DISP1: variants seen among roughly 807,000 people sequenced by gnomAD.
DISP1 encodes the protein dispatched RND transporter family member 1, also known as protein dispatched homolog 1.
A neutral mutation model predicts 37.3 loss-of-function variants in DISP1; 30 were observed. The observed-to-expected ratio is 0.80, with a 90% CI of 0.60 to 1.09. DISP1 has a LOEUF of 1.09. Ranked by LOEUF, DISP1 falls within the 50% of genes least tolerant of loss-of-function variation. DISP1 has a pLI of 0.00. For missense variants in DISP1, 1,598 were observed against 1,879.5 expected (o/e 0.85, Z 2.77); for synonymous variants, 634 against 690.2 (o/e 0.92, Z 1.28).
chr1:222,846,015 CCT>C (rs1318110396), intron 1 of DISP1, among the ~76,000 whole-genome samples: 11 of 152,102 alleles, frequency 7.2e-5, no homozygotes, highest in African/African-American at 2.4e-4. Context: ...CTTTGCCTAA[CCT>C]AAGGTCTTGA....
At chr1:222,936,971 A>ATATTAT (rs1673951519) in intron 2 of DISP1, among the ~76,000 whole-genome samples, 1 of 65,690 alleles carries the variant, frequency 1.5e-5, no homozygotes, top group Non-Finnish European at 3.3e-5. Flanking sequence ...ATTTATAAAT[A>ATATTAT]ATATTTTATA....
chr1:222,829,615 A>G (rs1490973226), intron 1 of DISP1, among the ~76,000 whole-genome samples: 1 of 151,760 alleles, frequency 6.6e-6, no homozygotes, highest in Non-Finnish European at 1.5e-5. Context: ...AATTTTTTGT[A>G]TTTTTAGTAG....
chr1:223,004,045 A>G lies in DISP1; in HGVS notation c.2648A>G (p.Gln883Arg). 1 of 1,614,168 alleles carries G rather than the reference A, an allele frequency of 6.2e-7. No individual in the cohort carries two copies. Among genetic ancestry groups the G allele is most frequent in the Non-Finnish European group, 8.5e-7 (1 of 1,180,018 alleles). ...CCSHWSFPYK[Q>R]EIFELCIKRA... ...AGCCACTGGAGCTTCCCCTACAAGCAAGAGATTTTTGAACTGTGCATCAAG... is the reference window on the plus strand; with the variant it reads ...AGCCACTGGAGCTTCCCCTACAAGCGAGAGATTTTTGAACTGTGCATCAAG... Residue 883 changes from glutamine (Q) to arginine (R), a missense_variant, in exon 9 of 9, where the codon CAA becomes CGA. Gln to Arg is a conservative substitution (Grantham distance 43). Coordinates refer to ENST00000675850, the MANE Select transcript of DISP1 (RefSeq NM_001377229.1). The surrounding 1 kb of genome is among the most constrained non-coding windows in gnomAD (Gnocchi z 4.9).
intron 2 of DISP1, among the ~76,000 whole-genome samples, chr1:222,933,060 A>T (rs1673503156): frequency 6.6e-6 from 1 of 151,980 alleles, no homozygotes; most frequent in African/African-American, 2.4e-5. Context: ...ACCTCTACAT[A>T]TGAAAATTTC....
intron 3 of DISP1, among the ~76,000 whole-genome samples, chr1:222,975,878 T>G (rs1400407031): frequency 6.6e-6 from 1 of 152,198 alleles, no homozygotes; most frequent in Non-Finnish European, 1.5e-5. Flanking sequence ...TCACTGTCAC[T>G]CACTTGCATA....
intron 1 of DISP1, among the ~76,000 whole-genome samples, chr1:222,852,351 T>C (rs1668312172): frequency 6.6e-6 from 1 of 152,042 alleles, no homozygotes; most frequent in Non-Finnish European, 1.5e-5. Flanking sequence ...TGTTTGTTTT[T>C]TGGTGGTTTT....
chr1:222,863,086 G>A (rs1356517337), intron 1 of DISP1, among the ~76,000 whole-genome samples: 1 of 152,190 alleles, frequency 6.6e-6, no homozygotes, highest in Non-Finnish European at 1.5e-5. Context: ...AACCACAGAA[G>A]AGATGCTGTG....
intron 1 of DISP1, among the ~76,000 whole-genome samples, chr1:222,865,457 A>C (rs1017696909): frequency 1.3e-5 from 2 of 152,178 alleles, no homozygotes; most frequent in African/African-American, 4.8e-5. Context: ...GGGTCTTTTT[A>C]AATGAATAGA....
chr1:222,870,610 A>G (rs1011556833), intron 1 of DISP1, among the ~76,000 whole-genome samples: 5 of 151,986 alleles, frequency 3.3e-5, no homozygotes, highest in African/African-American at 7.3e-5. Context: ...GTCTGTTCAT[A>G]TCCTTTGCCC....
chr1:222,937,294 G>A (rs915545065), intron 2 of DISP1, among the ~76,000 whole-genome samples: 2 of 151,562 alleles, frequency 1.3e-5, no homozygotes. Context: ...GTTTCACCGT[G>A]TTAGCCAGGA....
In DISP1 at chr1:222,937,164, A is replaced by T. The variant is rs938887798; in HGVS notation, c.-17-5643A>T. Among the ~76,000 whole-genome samples, 17 of 148,662 alleles carry T rather than the reference A, an allele frequency of 1.1e-4. No homozygotes were observed. In the Middle Eastern group the frequency reaches 0.01, roughly 89 times the overall value. ...GAGTGCAGTGGCGTGATCTCGGCTC[A>T]CTGCAAGGTCCGCCTCCTGGGTTCA... On this transcript the variant is annotated intron_variant, in intron 2 of 8. Coordinates refer to ENST00000675850, the MANE Select transcript of DISP1 (RefSeq NM_001377229.1).
Position 222,943,215 on chromosome 1 carries a change from A to G in DISP1, c.392A>G (p.His131Arg), listed in dbSNP as rs1674514836. The G allele has an allele frequency of 1.2e-6, 2 of 1,610,438 alleles. No homozygotes were observed. The highest frequency in any genetic ancestry group is 1.7e-6 in the Non-Finnish European group (2 of 1,176,974). The stretch of plus-strand genomic sequence containing the variant: ...TATTCTGCATCTCTTTGTCCAAATC[A>G]TTCACCTGTGTATCAGACTACGTGC... ...SEYSASLCPN[H>R]SPVYQTTCCL... The change falls in exon 3 of 9, where the codon CAT becomes CGT. Residue 131 changes from histidine to arginine, a missense_variant. By Grantham distance (29) the His-to-Arg change is conservative. Coordinates refer to ENST00000675850, the MANE Select transcript of DISP1 (RefSeq NM_001377229.1).
At chr1:222,865,013 T>C (rs1669105783) in intron 1 of DISP1, among the ~76,000 whole-genome samples, 1 of 152,070 alleles carries the variant, frequency 6.6e-6, no homozygotes, top group African/African-American at 2.4e-5. Flanking sequence ...ACTCTTGAGA[T>C]AGGTTTTTAT....
intron 1 of DISP1, among the ~76,000 whole-genome samples, chr1:222,816,813 T>G (rs1272387457): frequency 6.6e-6 from 1 of 152,234 alleles, no homozygotes; most frequent in Non-Finnish European, 1.5e-5. Context: ...AACACTGATC[T>G]CTAAAGTAAT....
chr1:222,816,968 A>G (rs35270311), intron 1 of DISP1, among the ~76,000 whole-genome samples: 18,374 of 152,266 alleles, frequency 0.12, 1,487 homozygotes, highest in South Asian at 0.18. Flanking sequence ...CACTTGAGAA[A>G]GCATGCAAGT....
At chr1:222,962,196 A>G (rs914332966) in intron 3 of DISP1, among the ~76,000 whole-genome samples, 1 of 152,190 alleles carries the variant, frequency 6.6e-6, no homozygotes, top group Admixed American at 6.5e-5. Flanking sequence ...TGCTACAAAA[A>G]GAATAAATAC....
rs1678722683 is a variant in DISP1, at chr1:222,991,909, G to A, written c.792-104G>A. ...TCTAATCCTTTCAACTTAATATCAAGGACTAAGCAGGTCATGGCTTTGAGG... is the reference window on the plus strand; with the variant it reads ...TCTAATCCTTTCAACTTAATATCAAAGACTAAGCAGGTCATGGCTTTGAGG... On this transcript the variant is annotated intron_variant, in intron 6 of 8. Transcript: ENST00000675850. The A allele has an allele frequency of 3.2e-6, 3 of 932,948 alleles. No individual in the cohort carries two copies. The Admixed American group carries it at 5.9e-5, about 18-fold the overall frequency. 57.8% of individuals were successfully genotyped at this position (932,948 alleles called of 1,614,324 possible).
rs370534998 is a variant in DISP1, at chr1:223,005,624, C to T, written c.4227C>T (p.Pro1409=). Reference sequence around the variant, plus strand: ...CGTTACTCAAAACGTGTTGCGACCCCGAGAATAAACAAAGGGAACTCTGTA... The same window carrying T: ...CGTTACTCAAAACGTGTTGCGACCCTGAGAATAAACAAAGGGAACTCTGTA... ...TGSLLKTCCD[P]ENKQRELCKN... Residue 1409 remains proline, a synonymous_variant, in exon 9 of 9, where the codon CCC becomes CCT. Coordinates refer to ENST00000675850, the MANE Select transcript of DISP1 (RefSeq NM_001377229.1). 110 of 1,614,026 alleles carry T rather than the reference C, an allele frequency of 6.8e-5. No individual in the cohort carries two copies. The highest frequency in any genetic ancestry group is 4.0e-4 in the South Asian group (36 of 91,064).
chr1:222,881,111 A>T (rs1670247435), intron 1 of DISP1, among the ~76,000 whole-genome samples: 1 of 152,122 alleles, frequency 6.6e-6, no homozygotes, highest in Non-Finnish European at 1.5e-5. Flanking sequence ...TATATAGGAA[A>T]ATTAATTTTT....
Sources: allele counts gnomAD v4.1 joint callset (sites outside exome capture counted in the v4.1 genomes callset), GRCh38; gene constraint gnomAD v4.1.1; non-coding constraint Gnocchi (gnomAD v3.1); transcripts MANE v1.5; gene names NCBI Gene and HGNC (gene_info 2026-07-23, HGNC 2026-07-21).